The following SLC24A3 variants were observed in gnomAD, a reference collection of about 807,000 sequenced individuals.
SLC24A3 encodes solute carrier family 24 member 3, also known as sodium/potassium/calcium exchanger 3.
In SLC24A3, 28 loss-of-function variants were observed where a neutral mutation model predicts 75.8. The observed-to-expected ratio is 0.37, with a 90% CI of 0.27 to 0.51. The LOEUF (loss-of-function observed/expected upper bound fraction) is 0.51, where lower values mean the gene tolerates loss of function less well. SLC24A3 is among the 20% of genes least tolerant of loss of function. The pLI is 0.94. For missense variants in SLC24A3, 663 were observed against 847.8 expected (o/e 0.78, Z 2.71); for synonymous variants, 372 against 334.1 (o/e 1.11, Z -1.24).
At chr20:19,600,701 C>G (rs2031517103) in intron 6 of SLC24A3, among the ~76,000 whole-genome samples, 1 of 152,186 alleles carries the variant, frequency 6.6e-6, no homozygotes, top group Admixed American at 6.5e-5. Context: ...TCCTGTCACC[C>G]AGGCTGGAGT....
intron 3 of SLC24A3, 81 bp downstream of exon 3, chr20:19,515,645 C>G: frequency 7.2e-7 from 1 of 1,384,716 alleles, no homozygotes; most frequent in Middle Eastern, 2.0e-4. Flanking sequence ...GAGGTGCCCC[C>G]AGTAGATTCT....
chr20:19,321,757 A>G (rs1335730469), intron 2 of SLC24A3, among the ~76,000 whole-genome samples: 1 of 152,218 alleles, frequency 6.6e-6, no homozygotes, highest in East Asian at 1.9e-4. Flanking sequence ...TTCTGGTCAA[A>G]TTAATGTCAA....
intron 1 of SLC24A3, among the ~76,000 whole-genome samples, chr20:19,213,643 G>C (rs1323737168): frequency 6.6e-6 from 1 of 152,244 alleles, no homozygotes; most frequent in East Asian, 1.9e-4. Flanking sequence ...TGGAAGAAAT[G>C]GTTTGCAGTG....
chr20:19,686,707 A>G (rs923979872), intron 12 of SLC24A3, among the ~76,000 whole-genome samples: 1 of 152,200 alleles, frequency 6.6e-6, no homozygotes, highest in Non-Finnish European at 1.5e-5. Context: ...TCCAGAGGAC[A>G]GCAAGTAAAA....
chr20:19,660,854 AC>A (rs565916016), intron 7 of SLC24A3, among the ~76,000 whole-genome samples: 46 of 152,298 alleles, frequency 3.0e-4, no homozygotes, highest in Non-Finnish European at 5.4e-4. Context: ...GAAGATCCTC[AC>A]CGAGAATGAC....
At chr20:19,616,920 G>A (rs923789054) in intron 6 of SLC24A3, among the ~76,000 whole-genome samples, 6 of 152,176 alleles carry the variant, frequency 3.9e-5, no homozygotes, top group Admixed American at 2.6e-4. Flanking sequence ...CGAGTTCTCC[G>A]TTGGGCAGAA....
chr20:19,221,308 C>A (rs899253113), intron 1 of SLC24A3, among the ~76,000 whole-genome samples: 6 of 152,196 alleles, frequency 3.9e-5, no homozygotes, highest in Non-Finnish European at 7.3e-5. Context: ...TTCCTCTGGC[C>A]TGCTCTGATC....
intron 6 of SLC24A3, among the ~76,000 whole-genome samples, chr20:19,636,268 G>A (rs150845935): frequency 0.012 from 1,801 of 152,296 alleles, 24 homozygotes; most frequent in African/African-American, 0.041. Flanking sequence ...TTATTCAAGA[G>A]GAGGATATAT....
chr20:19,400,352 G>A lies in SLC24A3; in HGVS notation c.272-115136G>A, dbSNP rs9631153. ...TTTTGACTTGTTGGGCAGAATCACA[G>A]CAATGCTCACTGGGGCTAATTATTA... On this transcript the variant is annotated intron_variant, in intron 2 of 16. Transcript: ENST00000328041. 7.7e-3 allele frequency among the ~76,000 whole-genome samples: 1,174 copies of A among 152,290 alleles called. 9 individuals are homozygous for A. The highest frequency in any genetic ancestry group is 0.027 in the African/African-American group (1,115 of 41,544).
chr20:19,573,743 C>T (rs1022818395), intron 3 of SLC24A3, among the ~76,000 whole-genome samples: 1 of 152,186 alleles, frequency 6.6e-6, no homozygotes, highest in Non-Finnish European at 1.5e-5. Context: ...GATAGGGTGA[C>T]TTTAGCTGGA....
chr20:19,556,772 C>T (rs1437036640), intron 3 of SLC24A3, among the ~76,000 whole-genome samples: 1 of 152,126 alleles, frequency 6.6e-6, no homozygotes, highest in Admixed American at 6.5e-5. Context: ...GTGCCACATC[C>T]TTACTGACCT....
intron 1 of SLC24A3, among the ~76,000 whole-genome samples, chr20:19,217,652 C>T (rs1981599085): frequency 6.6e-6 from 1 of 152,210 alleles, no homozygotes; most frequent in South Asian, 2.1e-4. Flanking sequence ...CAAATGACCA[C>T]AGCTGTTGAA....
intron 8 of SLC24A3, among the ~76,000 whole-genome samples, chr20:19,670,609 C>T (rs2032454648): frequency 6.6e-6 from 1 of 152,226 alleles, no homozygotes. Context: ...GGTGACTTCT[C>T]ACTGAATCTA....
chr20:19,244,610 T>C (rs1027057218), intron 1 of SLC24A3, among the ~76,000 whole-genome samples: 1 of 152,052 alleles, frequency 6.6e-6, no homozygotes, highest in Non-Finnish European at 1.5e-5. Context: ...AGGCCGGCAA[T>C]GTGAAGTTGA....
intron 3 of SLC24A3, among the ~76,000 whole-genome samples, chr20:19,520,396 G>A (rs2030077332): frequency 1.3e-5 from 2 of 152,152 alleles, no homozygotes; most frequent in African/African-American, 4.8e-5. Flanking sequence ...CAGCAAAAGG[G>A]ATGTTCTGGC....
intron 6 of SLC24A3, among the ~76,000 whole-genome samples, chr20:19,650,639 C>T (rs2032191256): frequency 6.6e-6 from 1 of 151,910 alleles, no homozygotes; most frequent in Non-Finnish European, 1.5e-5. Context: ...CTCTTTTAGC[C>T]CCCCCTTCTC....
intron 2 of SLC24A3, among the ~76,000 whole-genome samples, chr20:19,458,287 C>T (rs1461251688): frequency 6.6e-6 from 1 of 152,066 alleles, no homozygotes; most frequent in Non-Finnish European, 1.5e-5. Flanking sequence ...GCACCCAAGC[C>T]CTTAAGGGTA....
intron 1 of SLC24A3, among the ~76,000 whole-genome samples, chr20:19,251,303 A>G (rs1568569041): frequency 6.6e-6 from 1 of 152,188 alleles, no homozygotes; most frequent in Non-Finnish European, 1.5e-5. Flanking sequence ...CTATTTCTAC[A>G]TTAGGGATAG....
At chr20:19,218,828 T>G (rs371146889) in intron 1 of SLC24A3, among the ~76,000 whole-genome samples, 1 of 152,124 alleles carries the variant, frequency 6.6e-6, no homozygotes, top group Non-Finnish European at 1.5e-5. Context: ...TTTTTCTGTA[T>G]GGAGGTTTCT....
Sources: allele counts gnomAD v4.1 joint callset (sites outside exome capture counted in the v4.1 genomes callset), GRCh38; gene constraint gnomAD v4.1.1; transcripts MANE v1.5; gene names NCBI Gene and HGNC (gene_info 2026-07-23, HGNC 2026-07-21).